DOP1B: variants seen among roughly 807,000 people sequenced by gnomAD.
DOP1B encodes DOP1 leucine zipper like protein B, also known as protein DOP1B.
A neutral mutation model predicts 233.5 loss-of-function variants in DOP1B; 174 were observed. The observed-to-expected ratio is 0.75, with a 90% CI of 0.66 to 0.85. The LOEUF (loss-of-function observed/expected upper bound fraction) is 0.85. DOP1B is among the 40% of genes least tolerant of loss of function. The pLI, the probability that DOP1B is intolerant of heterozygous loss-of-function variation, is 0.00. For missense variants in DOP1B, 2,652 were observed against 2,846.6 expected (o/e 0.93, Z 1.56); for synonymous variants, 1,190 against 1,185.6 (o/e 1.00, Z -0.08).
At chr21:36,168,894 G>GTT (rs375606002) in intron 2 of DOP1B, 35 of 394,656 alleles carry the variant, frequency 8.9e-5, no homozygotes, top group Middle Eastern at 1.5e-3. Context: ...CTCCCTGTGG[G>GTT]TTTTTTTTTT....
chr21:36,239,690 T>G (rs1601438751), intron 17 of DOP1B, 75 bp from the exon 18 acceptor site: 1 of 1,451,088 alleles, frequency 6.9e-7, no homozygotes, highest in East Asian at 2.5e-5. Flanking sequence ...TGACGCCCTA[T>G]GCCCAGTGTC....
At chr21:36,161,386 C>G (rs546654942) in intron 1 of DOP1B, among the ~76,000 whole-genome samples, 34 of 152,288 alleles carry the variant, frequency 2.2e-4, no homozygotes, top group African/African-American at 7.5e-4. Flanking sequence ...ATCCACCCAC[C>G]TCGGCCTCCC....
intron 23 of DOP1B, among the ~76,000 whole-genome samples, chr21:36,256,802 ACAAT>A (rs1289984446): frequency 6.6e-6 from 1 of 152,144 alleles, no homozygotes; most frequent in African/African-American, 2.4e-5. Context: ...CAACAACATA[ACAAT>A]CAACACAGAA....
At chr21:36,235,303 A>G (rs968587761) in intron 15 of DOP1B, among the ~76,000 whole-genome samples, 1 of 152,118 alleles carries the variant, frequency 6.6e-6, no homozygotes, top group Non-Finnish European at 1.5e-5. Flanking sequence ...CCTGCTTCCC[A>G]CAGTGCAAAC....
intron 21 of DOP1B, 72 bp from the exon 22 acceptor site, chr21:36,251,090 T>A: frequency 6.5e-7 from 1 of 1,543,794 alleles, no homozygotes; most frequent in Admixed American, 2.0e-5. Context: ...TGGACAGCAG[T>A]GGTGGTTCAA....
chr21:36,289,186 C>A lies in DOP1B; in HGVS notation c.6495C>A (p.Asp2165Glu), dbSNP rs751012880. 3.1e-6 allele frequency: 5 copies of A among 1,613,536 alleles called. No homozygotes were observed. Among genetic ancestry groups the A allele is most frequent in the Non-Finnish European group, 4.2e-6 (5 of 1,179,900 alleles). ...ACACAGCGCTTTCTTTTCCACCTGA[C>A]AAGATGCCATTATTTCAAATGTAAG... is the stretch of plus-strand genomic sequence containing the variant. ...FLDTALSFPP[D>E]KMPLFQIYRW... Residue 2165 changes from aspartate to glutamate, a missense_variant, in exon 35 of 37, where the codon GAC becomes GAA. By Grantham distance (45) the Asp-to-Glu change is conservative (BLOSUM62 2). This residue lies in a region of DOP1B where 2,617 missense variants were observed against 2,794.3 expected (regional missense o/e 0.94). Coordinates refer to ENST00000691173, the MANE Select transcript of DOP1B (RefSeq NM_001320714.2).
In DOP1B at chr21:36,175,114, T is replaced by G. The variant is rs1325174320; in HGVS notation, c.138+10243T>G. ...TCTGTATCCAGATTTCTTCTTCTTC[T>G]TCTTTTTTTTTTTTGAGATGGAGTC... On this transcript the variant is annotated intron_variant, in intron 2 of 36. Coordinates refer to ENST00000691173, the MANE Select transcript of DOP1B (RefSeq NM_001320714.2). Among the ~76,000 whole-genome samples the G allele has an allele frequency of 5.2e-5, 6 of 115,822 alleles. No individual in the cohort carries two copies. In the East Asian group the frequency reaches 1.1e-3, roughly 21 times the overall value. 76.0% of individuals were successfully genotyped at this position (115,822 alleles called of 152,430 possible). A position where few individuals can be genotyped will look rare whatever the true frequency, so the allele number is the denominator to read the frequency against.
chr21:36,170,606 T>C (rs1568997631), intron 2 of DOP1B: 1 of 104,972 alleles, frequency 9.5e-6, no homozygotes, highest in African/African-American at 3.8e-5. Flanking sequence ...AATAAATAAA[T>C]AAATATATAT....
At chr21:36,186,992 A>G (rs1439828080) in intron 2 of DOP1B, among the ~76,000 whole-genome samples, 4 of 152,142 alleles carry the variant, frequency 2.6e-5, no homozygotes, top group Middle Eastern at 3.4e-3. Context: ...GGCGGCCAGC[A>G]AAACATTCCC....
chr21:36,195,899 C>G (rs2066285720), intron 2 of DOP1B, among the ~76,000 whole-genome samples: 1 of 152,180 alleles, frequency 6.6e-6, no homozygotes, highest in African/African-American at 2.4e-5. Flanking sequence ...TTATCTCAAC[C>G]TGTGTTTCCA....
chr21:36,270,362 GGCC>G (rs1310017747), intron 27 of DOP1B, among the ~76,000 whole-genome samples: 50 of 150,582 alleles, frequency 3.3e-4, no homozygotes, highest in African/African-American at 1.2e-3. Context: ...AGACTAGCCT[GGCC>G]AACATGGCGA....
At chr21:36,185,854 G>A (rs978181051) in intron 2 of DOP1B, among the ~76,000 whole-genome samples, 3 of 152,198 alleles carry the variant, frequency 2.0e-5, no homozygotes, top group African/African-American at 7.2e-5. Context: ...GCACATGTGT[G>A]CTGCAGATTA....
At chr21:36,259,737 C>T (rs1174183415) in intron 23 of DOP1B, among the ~76,000 whole-genome samples, 1 of 152,154 alleles carries the variant, frequency 6.6e-6, no homozygotes, top group Non-Finnish European at 1.5e-5. Flanking sequence ...AGGTTGTATT[C>T]CTTCACATTA....
intron 2 of DOP1B, among the ~76,000 whole-genome samples, chr21:36,176,263 G>A (rs964849935): frequency 6.6e-6 from 1 of 152,032 alleles, no homozygotes; most frequent in Non-Finnish European, 1.5e-5. Context: ...TGTCTGCTGG[G>A]GGTGGCCCTT....
At chr21:36,275,784 C>T (rs772628476) in intron 27 of DOP1B, among the ~76,000 whole-genome samples, 21 of 152,204 alleles carry the variant, frequency 1.4e-4, no homozygotes, top group East Asian at 3.9e-4. Context: ...CACATAACTA[C>T]GTAGACAGAT....
intron 7 of DOP1B, 120 bp downstream of exon 7, chr21:36,212,217 C>A: frequency 8.4e-7 from 1 of 1,189,528 alleles, no homozygotes; most frequent in Non-Finnish European, 1.1e-6. Context: ...TGGAAAGATA[C>A]CACAATGACT....
At chr21:36,224,145 G>A (rs982198552) in intron 11 of DOP1B, among the ~76,000 whole-genome samples, 3 of 151,968 alleles carry the variant, frequency 2.0e-5, no homozygotes, top group Non-Finnish European at 2.9e-5. Flanking sequence ...GGTCAGCCTG[G>A]TTGTTATGTT....
chr21:36,159,307 C>T (rs909209962), intron 1 of DOP1B, among the ~76,000 whole-genome samples: 11 of 151,944 alleles, frequency 7.2e-5, no homozygotes, highest in South Asian at 2.1e-4. Flanking sequence ...CAAAATTAGC[C>T]GGGCGTGGTG....
At chr21:36,203,660 G>A (rs1241913882) in intron 4 of DOP1B, among the ~76,000 whole-genome samples, 1 of 151,738 alleles carries the variant, frequency 6.6e-6, no homozygotes, top group Admixed American at 6.6e-5. Flanking sequence ...GGGTCATGAT[G>A]AGCACGTGGG....
Sources: allele counts gnomAD v4.1 joint callset (sites outside exome capture counted in the v4.1 genomes callset), GRCh38; gene constraint gnomAD v4.1.1; regional missense constraint gnomAD v4.1.1; transcripts MANE v1.5; gene names NCBI Gene and HGNC (gene_info 2026-07-23, HGNC 2026-07-21).